RPN2: variants seen among roughly 807,000 people sequenced by gnomAD.
RPN2 encodes ribophorin II, also known as dolichyl-diphosphooligosaccharide--protein glycosyltransferase subunit 2.
RPN2 carries 29 observed loss-of-function variants against 71.4 expected under a neutral mutation model. That is an observed-to-expected ratio of 0.41 (90% CI 0.30 to 0.55). RPN2 has a LOEUF of 0.55. RPN2 is among the 20% of genes least tolerant of loss of function. RPN2 has a pLI of 0.35. For missense variants in RPN2, 726 were observed against 774.1 expected, an observed-to-expected ratio of 0.94 and a Z score of 0.74; for synonymous variants, 308 against 305.0, an observed-to-expected ratio of 1.01 and a Z score of -0.10.
chr20:37,198,899 C>T (rs2067315800), intron 3 of RPN2, 151 bp from the exon 4 acceptor site: 1 of 735,002 alleles, frequency 1.4e-6, no homozygotes. Context: ...GTTTTGCAAA[C>T]ATTTCATCCT....
chr20:37,214,597 A>T (rs1328126385), intron 9 of RPN2, among the ~76,000 whole-genome samples: 2 of 152,278 alleles, frequency 1.3e-5, no homozygotes, highest in East Asian at 3.9e-4. Flanking sequence ...TGACCTTGAC[A>T]CTTGAAGAGG....
intron 9 of RPN2, among the ~76,000 whole-genome samples, chr20:37,214,566 A>G (rs77809460): frequency 6.6e-6 from 1 of 152,172 alleles, no homozygotes; most frequent in East Asian, 1.9e-4. Flanking sequence ...TTCCAATTTA[A>G]GATGGTTTCT....
In RPN2 at chr20:37,225,691, G is replaced by C. The variant is rs1446864296; in HGVS notation, c.1188G>C (p.Val396=). Residue 396 remains valine (V), a synonymous_variant, in exon 11 of 17, where the codon GTG becomes GTC. Coordinates refer to ENST00000237530, the MANE Select transcript of RPN2 (RefSeq NM_002951.5). ...TAACTCTATATGCCTCTTTCAGGGT[G>C]ACATACCCAGCCAAAGCCAAGGGCA... ...DQSIAPKTTR[V]TYPAKAKGTF... 2 of 1,611,222 alleles carry C rather than the reference G, an allele frequency of 1.2e-6. No homozygotes were observed. Among genetic ancestry groups the C allele is most frequent in the African/African-American group, 2.7e-5 (2 of 74,974 alleles).
intron 7 of RPN2, among the ~76,000 whole-genome samples, chr20:37,208,442 C>A (rs894032497): frequency 2.0e-5 from 3 of 152,114 alleles, no homozygotes; most frequent in African/African-American, 7.2e-5. Context: ...CGCGGTCTCG[C>A]TATGTCGCGC....
intron 4 of RPN2, among the ~76,000 whole-genome samples, chr20:37,200,080 C>T (rs554981241): frequency 2.0e-5 from 3 of 152,120 alleles, no homozygotes; most frequent in South Asian, 4.2e-4. Flanking sequence ...CTGCAACCTC[C>T]GCCTCCCGGG....
At position 37,184,275 on chromosome 20, in the gene RPN2, C is replaced by A; in HGVS notation, c.109C>A (p.Leu37Ile). ...HYLTKHDVER[L>I]KASLDRPFTN... Reference sequence around the variant, plus strand: ...CCTCACCAAGCATGACGTGGAGAGACTAAAAGCCTCGCTGGATCGCCCTTT... The same window carrying A: ...CCTCACCAAGCATGACGTGGAGAGAATAAAAGCCTCGCTGGATCGCCCTTT... The change falls in exon 2 of 17, where the codon CTA becomes ATA. Residue 37 changes from leucine to isoleucine, a missense_variant. Coordinates refer to ENST00000237530, the MANE Select transcript of RPN2 (RefSeq NM_002951.5). 6.2e-7 allele frequency: 1 copy of A among 1,614,190 alleles called. No homozygotes were observed. Among genetic ancestry groups the A allele is most frequent in the Non-Finnish European group, 8.5e-7 (1 of 1,180,044 alleles).
intron 16 of RPN2, among the ~76,000 whole-genome samples, chr20:37,240,533 G>C (rs1426097594): frequency 6.6e-6 from 1 of 152,078 alleles, no homozygotes; most frequent in African/African-American, 2.4e-5. Context: ...CTGAAGGATG[G>C]TGTGTGTGTG....
Position 37,232,188 on chromosome 20 carries a change from C to T in RPN2, c.1582-108C>T, listed in dbSNP as rs548558614. 1,704 of 1,359,978 alleles carry T rather than the reference C, an allele frequency of 1.3e-3. 3 individuals are homozygous for T. Among genetic ancestry groups the T allele is most frequent in the Non-Finnish European group, 1.6e-3 (1,546 of 952,078 alleles). The allele number at this position is 1,359,978 out of a possible 1,614,324, so 84.2% of individuals were successfully genotyped here. ...TTGCCAAGAGGTTTTAGCCTCTGGG[C>T]GGCATATCCTCTTCATGACTGACAT... is the stretch of plus-strand genomic sequence containing the variant. On this transcript the variant is annotated intron_variant, in intron 13 of 16. Coordinates refer to ENST00000237530, the MANE Select transcript of RPN2 (RefSeq NM_002951.5).
At chr20:37,231,996 G>A (rs1222510531) in intron 13 of RPN2, among the ~76,000 whole-genome samples, 3 of 152,188 alleles carry the variant, frequency 2.0e-5, no homozygotes, top group Admixed American at 2.0e-4. Context: ...CTAGCCAAAT[G>A]CCACTTGATG....
chr20:37,216,936 TTTC>T (rs574582434), intron 9 of RPN2, among the ~76,000 whole-genome samples: 212 of 60,674 alleles, frequency 3.5e-3, no homozygotes, highest in Non-Finnish European at 5.0e-3. Context: ...TTTCTTTTTC[TTTC>T]TTTTTTTTTG....
intron 3 of RPN2, among the ~76,000 whole-genome samples, 188 bp from the exon 4 acceptor site, chr20:37,198,862 C>CT (rs2067315367): frequency 6.6e-6 from 1 of 152,112 alleles, no homozygotes; most frequent in African/African-American, 2.4e-5. Context: ...TTGTCAGCAT[C>CT]TTTTCACATG....
At chr20:37,226,996 G>A (rs558918459) in intron 11 of RPN2, among the ~76,000 whole-genome samples, 1 of 152,368 alleles carries the variant, frequency 6.6e-6, no homozygotes, top group African/African-American at 2.4e-5. Flanking sequence ...AGAGGCAACT[G>A]GATTTACTTG....
chr20:37,185,619 T>C (rs1457538651), intron 2 of RPN2, among the ~76,000 whole-genome samples: 2 of 152,094 alleles, frequency 1.3e-5, no homozygotes, highest in Non-Finnish European at 2.9e-5. Flanking sequence ...TTATAGTTCT[T>C]TATTTTATTT....
At chr20:37,220,536 T>C (rs2067928018) in intron 9 of RPN2, among the ~76,000 whole-genome samples, 2 of 152,200 alleles carry the variant, frequency 1.3e-5, no homozygotes, top group African/African-American at 2.4e-5. Flanking sequence ...CTGCATTTCC[T>C]GGCGTTAAAA....
At chr20:37,204,436 T>A (rs1337753583) in intron 5 of RPN2, among the ~76,000 whole-genome samples, 1 of 152,186 alleles carries the variant, frequency 6.6e-6, no homozygotes, top group Non-Finnish European at 1.5e-5. Flanking sequence ...TCATGATGCT[T>A]CCTGGGTGCA....
At chr20:37,240,236 C>T (rs189545570) in intron 16 of RPN2, among the ~76,000 whole-genome samples, 1 of 152,292 alleles carries the variant, frequency 6.6e-6, no homozygotes, top group Non-Finnish European at 1.5e-5. Context: ...TAATGTGGGA[C>T]GTAAGTTCTA....
chr20:37,181,453 A>G (rs1418263084), intron 1 of RPN2, among the ~76,000 whole-genome samples: 20 of 137,128 alleles, frequency 1.5e-4, no homozygotes, highest in Non-Finnish European at 2.0e-4. Flanking sequence ...TTTTTTTGAG[A>G]CAGAGCCCCA....
intron 16 of RPN2, chr20:37,238,391 T>C (rs771043002): frequency 1.2e-6 from 2 of 1,605,856 alleles, no homozygotes; most frequent in East Asian, 4.5e-5. Flanking sequence ...AAACCCTCTT[T>C]CCTTTGGCAG....
intron 4 of RPN2, 139 bp from the exon 5 acceptor site, chr20:37,203,746 A>C (rs1183201053): frequency 2.8e-6 from 2 of 717,884 alleles, no homozygotes; most frequent in Non-Finnish European, 5.0e-6. Context: ...GATTATAAGT[A>C]AACTCCTTAA....
Sources: gnomAD v4.1 joint callset for allele counts (sites outside exome capture counted in the v4.1 genomes callset) on GRCh38, gnomAD v4.1.1 for gene constraint, MANE v1.5 for transcripts, NCBI Gene and HGNC (gene_info 2026-07-23, HGNC 2026-07-21) for gene names.